ANO4: variants seen among roughly 807,000 people sequenced by gnomAD.
ANO4 encodes the protein anoctamin-4.
Under a neutral mutation model 141.9 loss-of-function variants are expected in ANO4, and 69 were observed. The observed-to-expected ratio is 0.49, with a 90% confidence interval of 0.40 to 0.59. The LOEUF (loss-of-function observed/expected upper bound fraction) is 0.59. ANO4 is among the 20% of genes least tolerant of loss of function. The pLI, the probability that ANO4 is intolerant of heterozygous loss-of-function variation, is 0.00. For missense variants in ANO4, 894 were observed against 1,162.2 expected, an observed-to-expected ratio of 0.77 and a Z score of 3.36; for synonymous variants, 350 against 394.3, an observed-to-expected ratio of 0.89 and a Z score of 1.33.
chr12:101,126,582 A>G (rs1410321826), intron 26 of ANO4, among the ~76,000 whole-genome samples: 1 of 152,230 alleles, frequency 6.6e-6, no homozygotes, highest in East Asian at 1.9e-4. Context: ...GAAAGCTACC[A>G]GCTTCAACCT....
chr12:101,089,037 A>G (rs1196393013), intron 17 of ANO4, among the ~76,000 whole-genome samples: 3 of 152,166 alleles, frequency 2.0e-5, no homozygotes, highest in Non-Finnish European at 4.4e-5. Context: ...TGCGTCTTAA[A>G]TCTGGGCCAT....
chr12:101,021,823 TTTG>T (rs1176947134), intron 9 of ANO4, among the ~76,000 whole-genome samples: 1 of 152,192 alleles, frequency 6.6e-6, no homozygotes, highest in Non-Finnish European at 1.5e-5. Context: ...TTCATTTACA[TTTG>T]TTCGAATAGA....
chr12:100,866,942 T>A (rs2038781861), intron 1 of ANO4, among the ~76,000 whole-genome samples: 1 of 152,178 alleles, frequency 6.6e-6, no homozygotes, highest in African/African-American at 2.4e-5. Flanking sequence ...TTGTCTCCTC[T>A]CCTAGCTCCC....
Position 100,840,671 on chromosome 12 carries a change from G to A in ANO4, c.-141+45644G>A, listed in dbSNP as rs1045138167. 3.9e-4 allele frequency among the ~76,000 whole-genome samples: 60 copies of A among 152,110 alleles called. 3 individuals are homozygous for A. The highest frequency in any genetic ancestry group is 7.4e-5 in the Non-Finnish European group (5 of 68,018). On this transcript the variant is annotated intron_variant, in intron 1 of 27. Coordinates refer to ENST00000392977, the MANE Select transcript of ANO4 (RefSeq NM_001286615.2). ...AGTCACAGTCCCTCAGACATGTGAA[G>A]GCAGCAATCATGAGTTGTTGTTTGT...
chr12:100,959,977 T>G (rs2043342034), intron 5 of ANO4, among the ~76,000 whole-genome samples: 1 of 152,102 alleles, frequency 6.6e-6, no homozygotes, highest in African/African-American at 2.4e-5. Context: ...GGAGGAGGAA[T>G]GCTCTTTGCT....
intron 2 of ANO4, among the ~76,000 whole-genome samples, chr12:100,738,394 G>T (rs2031700899): frequency 6.6e-6 from 1 of 152,102 alleles, no homozygotes; most frequent in Admixed American, 6.5e-5. Context: ...TGCAGATCTT[G>T]TCATAGCTCG....
At chr12:100,854,573 G>T (rs2038063760) in intron 1 of ANO4, among the ~76,000 whole-genome samples, 1 of 151,912 alleles carries the variant, frequency 6.6e-6, no homozygotes. Flanking sequence ...GCTGCATTCT[G>T]CATGATTTTC....
At chr12:100,941,808 C>T (rs1180346081) in intron 4 of ANO4, among the ~76,000 whole-genome samples, 3 of 151,922 alleles carry the variant, frequency 2.0e-5, no homozygotes, top group African/African-American at 7.3e-5. Flanking sequence ...ATATGAAAAT[C>T]CTTAGTTGCA....
intron 5 of ANO4, among the ~76,000 whole-genome samples, chr12:100,962,874 G>A (rs2043486926): frequency 6.6e-6 from 1 of 152,222 alleles, no homozygotes; most frequent in South Asian, 2.1e-4. Context: ...GAAGAGAGAT[G>A]ATGGTTGCTC....
chr12:100,867,612 T>A (rs1041173253), intron 1 of ANO4, among the ~76,000 whole-genome samples: 35 of 149,972 alleles, frequency 2.3e-4, no homozygotes, highest in Admixed American at 1.1e-3. Flanking sequence ...TCTCTCTCTC[T>A]CACACACACA....
chr12:100,839,138 T>C (rs17481383), intron 1 of ANO4, among the ~76,000 whole-genome samples: 19,076 of 152,182 alleles, frequency 0.13, 1,265 homozygotes, highest in South Asian at 0.17. Context: ...CATCATTCTG[T>C]CTTTGGGATG....
chr12:101,000,026 G>A (rs2045569709), intron 8 of ANO4, among the ~76,000 whole-genome samples: 1 of 148,798 alleles, frequency 6.7e-6, no homozygotes, highest in South Asian at 2.1e-4. Context: ...TCCAGTCTGG[G>A]CAACAGAGCG....
chr12:100,886,752 T>C (rs778235493), intron 1 of ANO4, among the ~76,000 whole-genome samples: 6 of 152,132 alleles, frequency 3.9e-5, no homozygotes, highest in Non-Finnish European at 7.4e-5. Flanking sequence ...AGTAGCAGAG[T>C]TGAGTAGCTG....
intron 1 of ANO4, among the ~76,000 whole-genome samples, chr12:100,864,809 G>A (rs1437807776): frequency 2.0e-5 from 3 of 152,064 alleles, no homozygotes; most frequent in African/African-American, 7.2e-5. Flanking sequence ...TACATTTTAG[G>A]TATTTCTCCT....
chr12:100,932,076 G>A (rs2042104998), intron 3 of ANO4, among the ~76,000 whole-genome samples: 1 of 151,332 alleles, frequency 6.6e-6, no homozygotes, highest in African/African-American at 2.4e-5. Context: ...TTGGAACTTA[G>A]GACAAAAATA....
chr12:100,829,849 A>T (rs1205992790), intron 1 of ANO4, among the ~76,000 whole-genome samples: 1 of 152,052 alleles, frequency 6.6e-6, no homozygotes, highest in African/African-American at 2.4e-5. Context: ...GCTTTCAGTG[A>T]CGTTAATATC....
intron 1 of ANO4, among the ~76,000 whole-genome samples, chr12:100,889,203 C>CATG (rs1258090687): frequency 6.6e-6 from 1 of 152,080 alleles, no homozygotes; most frequent in Non-Finnish European, 1.5e-5. Context: ...CTACAAAGGA[C>CATG]ATGATCTCAT....
chr12:101,006,529 T>A (rs554122363), intron 8 of ANO4, among the ~76,000 whole-genome samples: 21 of 152,210 alleles, frequency 1.4e-4, no homozygotes, highest in Admixed American at 3.9e-4. Context: ...TAGAGCATTG[T>A]TTATAATAAT....
chr12:101,023,339 A>C (rs2046607411), intron 9 of ANO4, among the ~76,000 whole-genome samples: 1 of 152,210 alleles, frequency 6.6e-6, no homozygotes, highest in Non-Finnish European at 1.5e-5. Flanking sequence ...CATTTGATGA[A>C]ATAAGGAGTT....
Sources: allele counts gnomAD v4.1 joint callset (sites outside exome capture counted in the v4.1 genomes callset), GRCh38; gene constraint gnomAD v4.1.1; transcripts MANE v1.5; gene names NCBI Gene and HGNC (gene_info 2026-07-23, HGNC 2026-07-21).